STPG2: variants seen among roughly 807,000 people sequenced by gnomAD.
STPG2 encodes sperm tail PG-rich repeat containing 2.
Under a neutral mutation model 54.2 loss-of-function variants are expected in STPG2, and 56 were observed. That is an observed-to-expected ratio of 1.03 (90% CI 0.83 to 1.29). STPG2 has a LOEUF of 1.29. STPG2 is among the 50% of genes most tolerant of loss of function. The pLI, the probability that STPG2 is intolerant of heterozygous loss-of-function variation, is 0.00. For missense variants in STPG2, 596 were observed against 544.9 expected (o/e 1.09, Z -0.93); for synonymous variants, 200 against 181.8 (o/e 1.10, Z -0.81).
intron 8 of STPG2, among the ~76,000 whole-genome samples, chr4:97,898,156 A>C (rs1033666991): frequency 6.6e-6 from 1 of 152,126 alleles, no homozygotes; most frequent in Non-Finnish European, 1.5e-5. Flanking sequence ...TTTATTGAAC[A>C]GTGACTCCTG....
chr4:97,966,073 G>C (rs1306305852), intron 7 of STPG2, among the ~76,000 whole-genome samples: 1 of 152,024 alleles, frequency 6.6e-6, no homozygotes, highest in Non-Finnish European at 1.5e-5. Flanking sequence ...TCAGTAATGA[G>C]CTTCTCCGAG....
chr4:97,796,283 C>T (rs1472778465), intron 9 of STPG2, among the ~76,000 whole-genome samples: 9 of 152,026 alleles, frequency 5.9e-5, no homozygotes, highest in East Asian at 1.9e-4. Flanking sequence ...CCCATGCCTA[C>T]GATCTAAATG....
At chr4:98,097,810 T>C (rs1738905770) in intron 5 of STPG2, among the ~76,000 whole-genome samples, 1 of 152,066 alleles carries the variant, frequency 6.6e-6, no homozygotes, top group African/African-American at 2.4e-5. Context: ...ATCAGTAGCG[T>C]TTCTATATGC....
chr4:98,009,492 T>TC (rs757024040), intron 5 of STPG2, among the ~76,000 whole-genome samples: 3 of 152,072 alleles, frequency 2.0e-5, no homozygotes, highest in Non-Finnish European at 4.4e-5. Context: ...TGTTTTGTAG[T>TC]CCAACATATG....
chr4:97,740,202 T>C (rs988008890), intron 9 of STPG2, among the ~76,000 whole-genome samples: 5 of 152,194 alleles, frequency 3.3e-5, no homozygotes, highest in Non-Finnish European at 5.9e-5. Context: ...TAGGTATTGA[T>C]GGGACGTATC....
intron 5 of STPG2, among the ~76,000 whole-genome samples, chr4:98,027,284 A>G (rs1736453010): frequency 6.6e-6 from 1 of 152,166 alleles, no homozygotes; most frequent in African/African-American, 2.4e-5. Context: ...GGATATGAAC[A>G]TCGTTAGGGG....
chr4:97,682,792 AC>A (rs1159568963), intron 10 of STPG2, among the ~76,000 whole-genome samples: 2 of 151,840 alleles, frequency 1.3e-5, no homozygotes, highest in Admixed American at 6.6e-5. Context: ...TCAGATTTGA[AC>A]ATGGGCATCA....
chr4:97,758,951 C>G (rs760711512), intron 9 of STPG2, among the ~76,000 whole-genome samples: 1 of 151,620 alleles, frequency 6.6e-6, no homozygotes, highest in African/African-American at 2.4e-5. Context: ...AATAAAGATG[C>G]CAGGGAAGCC....
intron 10 of STPG2, among the ~76,000 whole-genome samples, chr4:97,647,797 G>A (rs1206923520): frequency 6.6e-6 from 1 of 152,106 alleles, no homozygotes; most frequent in African/African-American, 2.4e-5. Context: ...TCTGTTCTGG[G>A]CAGAGGGAAA....
intron 9 of STPG2, among the ~76,000 whole-genome samples, chr4:97,825,504 T>C (rs958219074): frequency 2.6e-5 from 4 of 152,142 alleles, no homozygotes; most frequent in African/African-American, 7.2e-5. Context: ...TTCCCTGTTT[T>C]AGGAGATCCA....
At chr4:97,467,389 A>G (rs910650004) in intron 4 of STPG2, among the ~76,000 whole-genome samples, 1 of 151,890 alleles carries the variant, frequency 6.6e-6, no homozygotes, top group African/African-American at 2.4e-5. Context: ...CTTTATTCAT[A>G]TAGAAAAAAA....
intron 8 of STPG2, among the ~76,000 whole-genome samples, chr4:97,890,789 AT>A (rs1297615672): frequency 6.6e-6 from 1 of 152,002 alleles, no homozygotes. Flanking sequence ...AATAGCACAT[AT>A]GCCCCCAAAA....
chr4:97,952,856 A>G (rs754910836), intron 7 of STPG2, among the ~76,000 whole-genome samples: 4 of 152,134 alleles, frequency 2.6e-5, no homozygotes, highest in African/African-American at 4.8e-5. Flanking sequence ...GTCATGCACA[A>G]GTTTTCTCCT....
intron 8 of STPG2, among the ~76,000 whole-genome samples, chr4:97,884,653 C>G (rs774202431): frequency 1.3e-5 from 2 of 151,470 alleles, no homozygotes; most frequent in South Asian, 4.2e-4. Context: ...AATACACAAA[C>G]AAAGCTTCAT....
intron 8 of STPG2, among the ~76,000 whole-genome samples, chr4:97,876,127 A>G (rs1237648083): frequency 6.6e-6 from 1 of 152,060 alleles, no homozygotes; most frequent in Non-Finnish European, 1.5e-5. Flanking sequence ...AGCGAATGCT[A>G]AAAAGTCTGT....
At chr4:97,520,718 C>G (rs1023084721) in intron 4 of STPG2, among the ~76,000 whole-genome samples, 1 of 152,000 alleles carries the variant, frequency 6.6e-6, no homozygotes, top group Non-Finnish European at 1.5e-5. Flanking sequence ...TTCCACTTCA[C>G]AGATCTGTTA....
intron 8 of STPG2, among the ~76,000 whole-genome samples, chr4:97,935,521 G>T (rs1732719033): frequency 6.6e-6 from 1 of 152,136 alleles, no homozygotes; most frequent in South Asian, 2.1e-4. Flanking sequence ...GGCACTTAGT[G>T]CTAGAAGTTT....
At chr4:97,556,953 C>G (rs1732091703), downstream of STPG2, among the ~76,000 whole-genome samples, 7 of 152,122 alleles carry the variant, frequency 4.6e-5, no homozygotes, top group Admixed American at 4.6e-4. Context: ...GGAGCCAAGG[C>G]AGGCAGATCA....
At chr4:97,920,457 C>T (rs921522) in intron 8 of STPG2, among the ~76,000 whole-genome samples, 57,461 of 151,950 alleles carry the variant, frequency 0.38, 10,946 homozygotes, top group Middle Eastern at 0.46. Flanking sequence ...GTTTCTCTAC[C>T]GACTGGGGTG....
Sources: gnomAD v4.1 joint callset for allele counts (sites outside exome capture counted in the v4.1 genomes callset) on GRCh38, gnomAD v4.1.1 for gene constraint, MANE v1.5 for transcripts, NCBI Gene and HGNC (gene_info 2026-07-23, HGNC 2026-07-21) for gene names.